Variants in HHAT observed in about 807,000 individuals in gnomAD.
The protein encoded by HHAT is protein-cysteine N-palmitoyltransferase HHAT.
A neutral mutation model predicts 70.8 loss-of-function variants in HHAT; 47 were observed. The ratio of observed to expected loss-of-function variants is 0.66; its 90% confidence interval spans 0.53 to 0.85. HHAT has a LOEUF of 0.85. HHAT is among the 40% of genes least tolerant of loss of function. The probability of loss-of-function intolerance (pLI) is 0.00; values close to 1 mark genes in which losing one functional copy is unlikely to be tolerated. For synonymous variants in HHAT, 228 were observed against 247.6 expected (o/e 0.92, Z 0.74); for missense variants, 609 against 604.8 (o/e 1.01, Z -0.07).
At chr1:210,422,407 C>T (rs752111460) in intron 7 of HHAT, among the ~76,000 whole-genome samples, 4 of 152,064 alleles carry the variant, frequency 2.6e-5, no homozygotes, top group Non-Finnish European at 5.9e-5. Flanking sequence ...CAAATCTCTC[C>T]CTATCCCTCC....
chr1:210,595,960 C>G (rs1403647727), intron 10 of HHAT, among the ~76,000 whole-genome samples: 2 of 152,132 alleles, frequency 1.3e-5, no homozygotes, highest in African/African-American at 4.8e-5. Context: ...TGTGCAGAAG[C>G]TCTTGAGTTT....
At chr1:210,377,883 T>C (rs1210515732) in intron 3 of HHAT, among the ~76,000 whole-genome samples, 2 of 152,192 alleles carry the variant, frequency 1.3e-5, no homozygotes, top group Non-Finnish European at 2.9e-5. Flanking sequence ...GCAAGCAACT[T>C]CACCTATGCA....
chr1:210,544,991 T>C (rs1485175562), intron 9 of HHAT, among the ~76,000 whole-genome samples: 1 of 152,124 alleles, frequency 6.6e-6, no homozygotes, highest in East Asian at 1.9e-4. Flanking sequence ...TCACCTCTTA[T>C]CTGGGCAACT....
intron 9 of HHAT, among the ~76,000 whole-genome samples, chr1:210,541,818 C>A (rs959021194): frequency 6.6e-6 from 1 of 152,176 alleles, no homozygotes; most frequent in East Asian, 1.9e-4. Context: ...CAGCATCCCC[C>A]CTGGTCTCCT....
intron 3 of HHAT, among the ~76,000 whole-genome samples, chr1:210,375,944 C>T (rs539407631): frequency 1.2e-4 from 18 of 151,648 alleles, no homozygotes; most frequent in East Asian, 1.2e-3. Flanking sequence ...CTCTGCCTCC[C>T]GGGTTCAAAT....
intron 10 of HHAT, among the ~76,000 whole-genome samples, chr1:210,605,461 C>T (rs1349302579): frequency 6.6e-6 from 1 of 152,150 alleles, no homozygotes; most frequent in Non-Finnish European, 1.5e-5. Flanking sequence ...GCCCTCAGTA[C>T]TTGGACAACA....
intron 7 of HHAT, among the ~76,000 whole-genome samples, chr1:210,456,230 A>G (rs1052845795): frequency 6.6e-6 from 1 of 152,104 alleles, no homozygotes; most frequent in Admixed American, 6.5e-5. Flanking sequence ...CATTTTACCA[A>G]CATCTGCTTT....
chr1:210,493,677 G>C (rs1433819426), intron 8 of HHAT, among the ~76,000 whole-genome samples: 1 of 152,156 alleles, frequency 6.6e-6, no homozygotes, highest in Non-Finnish European at 1.5e-5. Flanking sequence ...TGAGCATATA[G>C]GTAGCACTTA....
chr1:210,519,334 A>G (rs1287276516), intron 9 of HHAT, among the ~76,000 whole-genome samples: 2 of 152,144 alleles, frequency 1.3e-5, no homozygotes, highest in African/African-American at 2.4e-5. Context: ...TATTTCTTCA[A>G]TATACTGATG....
chr1:210,596,834 C>T lies in HHAT; in HGVS notation c.1245+8735C>T, dbSNP rs539050743. Among the ~76,000 whole-genome samples the T allele has an allele frequency of 2.6e-4, 40 of 152,118 alleles. 1 individual carries two copies. In the South Asian group the frequency reaches 5.4e-3, roughly 20 times the overall value. On this transcript the variant is annotated intron_variant, in intron 10 of 11. Coordinates refer to ENST00000261458, the MANE Select transcript of HHAT (RefSeq NM_018194.6). ...TTTACTCCTGGTGCCTTCTTTAGTT[C>T]GTTCACTGAGGTCATATTTTCATGG...
intron 7 of HHAT, among the ~76,000 whole-genome samples, chr1:210,448,949 G>A (rs1413094767): frequency 6.6e-6 from 1 of 152,068 alleles, no homozygotes; most frequent in Non-Finnish European, 1.5e-5. Flanking sequence ...CATGGAATTG[G>A]TTCTGTTTGG....
At chr1:210,399,482 G>C (rs1389765674) in intron 4 of HHAT, among the ~76,000 whole-genome samples, 1 of 152,076 alleles carries the variant, frequency 6.6e-6, no homozygotes, top group Non-Finnish European at 1.5e-5. Context: ...TTGAACTCCT[G>C]ACCTCAGGTG....
intron 8 of HHAT, among the ~76,000 whole-genome samples, chr1:210,480,261 A>T (rs151164112): frequency 6.6e-6 from 1 of 152,214 alleles, no homozygotes; most frequent in African/African-American, 2.4e-5. Flanking sequence ...TCACCTCCGT[A>T]TTGAAATCCC....
chr1:210,577,477 A>AT (rs1658090713), intron 9 of HHAT, among the ~76,000 whole-genome samples: 1 of 152,194 alleles, frequency 6.6e-6, no homozygotes, highest in African/African-American at 2.4e-5. Context: ...GTGATGTATC[A>AT]TGCTAATTGA....
intron 1 of HHAT, 155 bp downstream of exon 1, chr1:210,329,259 G>A (rs939724383): frequency 1.6e-6 from 2 of 1,232,014 alleles, no homozygotes; most frequent in South Asian, 4.0e-5. Flanking sequence ...GGAAGTTCCC[G>A]GTCGGGCGAA....
chr1:210,588,460 TACAG>T (rs1660973716), intron 10 of HHAT: 1 of 177,892 alleles, frequency 5.6e-6, no homozygotes, highest in Admixed American at 5.4e-5. Flanking sequence ...CAAATGCTAT[TACAG>T]AGAGATGATT....
At chr1:210,481,704 A>T (rs2094399717) in intron 8 of HHAT, among the ~76,000 whole-genome samples, 1 of 152,234 alleles carries the variant, frequency 6.6e-6, no homozygotes, top group Non-Finnish European at 1.5e-5. Flanking sequence ...GTGAATGGCC[A>T]CAAAAGTGCC....
At chr1:210,588,850 ATAG>A (rs1335245465) in intron 10 of HHAT, 1 of 152,216 alleles carries the variant, frequency 6.6e-6, no homozygotes, top group African/African-American at 2.4e-5. Context: ...GGTATTGTAT[ATAG>A]TAGTATAAAA....
intron 11 of HHAT, among the ~76,000 whole-genome samples, chr1:210,655,020 C>G (rs1017833690): frequency 1.3e-5 from 2 of 152,200 alleles, no homozygotes; most frequent in Non-Finnish European, 2.9e-5. Flanking sequence ...TTCCACGTCC[C>G]GAACTGACCC....
Sources: gnomAD v4.1 joint callset for allele counts (sites outside exome capture counted in the v4.1 genomes callset) on GRCh38, gnomAD v4.1.1 for gene constraint, MANE v1.5 for transcripts, NCBI Gene and HGNC (gene_info 2026-07-23, HGNC 2026-07-21) for gene names.